Variants in PM20D1 observed in about 807,000 individuals in gnomAD.
PM20D1 encodes peptidase M20 domain containing 1.
PM20D1 carries 53 observed loss-of-function variants against 53.8 expected under a neutral mutation model. The observed-to-expected ratio is 0.98, with a 90% CI of 0.79 to 1.24. PM20D1 has a LOEUF of 1.24. PM20D1 is among the 50% of genes most tolerant of loss of function. PM20D1 has a pLI of 0.00. For missense variants in PM20D1, 564 were observed against 616.8 expected (o/e 0.91, Z 0.91); for synonymous variants, 239 against 241.3 (o/e 0.99, Z 0.09).
In PM20D1 at chr1:205,845,447, TCA is replaced by T. The variant is rs1300935959; in HGVS notation, c.365_366del (p.Leu122HisfsTer5). On this transcript the variant is annotated frameshift_variant, in exon 3 of 13. Coordinates refer to ENST00000367136, the MANE Select transcript of PM20D1 (RefSeq NM_152491.5). LOFTEE classifies it high-confidence loss of function. ...GSDPSLQPYL[L>X]MAHFDVVPAP... The stretch of plus-strand genomic sequence containing the variant: ...GCAGGCACCACATCAAAGTGAGCCA[TCA>T]GCAGGTAGGGCTGCAAGCTGGGGTC... 34 of 1,614,090 alleles carry T rather than the reference TCA, an allele frequency of 2.1e-5. No homozygotes were observed. The highest frequency in any genetic ancestry group is 2.9e-5 in the Non-Finnish European group (34 of 1,180,042).
intron 12 of PM20D1, 131 bp downstream of exon 12, chr1:205,830,149 G>A: frequency 1.5e-6 from 1 of 662,382 alleles, no homozygotes. Flanking sequence ...GTTCTACAAT[G>A]TCTCCATTTC....
chr1:205,840,492 A>G (rs1328736668), intron 9 of PM20D1, among the ~76,000 whole-genome samples, 169 bp from the exon 10 acceptor site: 1 of 152,168 alleles, frequency 6.6e-6, no homozygotes, highest in African/African-American at 2.4e-5. Flanking sequence ...ACTAAGTGAC[A>G]TGTTATATTC....
At position 205,840,043 on chromosome 1, in the gene PM20D1, A is replaced by G. The variant is rs578089274; in HGVS notation, c.1116+209T>C. Among the ~76,000 whole-genome samples the G allele has an allele frequency of 1.5e-3, 221 of 152,194 alleles. 1 individual carries two copies. Among genetic ancestry groups the G allele is most frequent in the African/African-American group, 5.1e-3 (212 of 41,518 alleles). ...CTATAGGTATTGCTATCATTTATTC[A>G]TACTCATCTTCCATTTCAGACCCCA... On this transcript the variant is annotated intron_variant, in intron 10 of 12. Coordinates refer to ENST00000367136, the MANE Select transcript of PM20D1 (RefSeq NM_152491.5).
intron 9 of PM20D1, 80 bp downstream of exon 9, chr1:205,841,731 G>T (rs2102528416): frequency 7.5e-7 from 1 of 1,340,742 alleles, no homozygotes; most frequent in South Asian, 1.3e-5. Flanking sequence ...AAGGAAGGAA[G>T]AGCCAGTAGA....
At chr1:205,831,709 G>A (rs1051805554) in intron 11 of PM20D1, among the ~76,000 whole-genome samples, 4 of 151,794 alleles carry the variant, frequency 2.6e-5, no homozygotes, top group Non-Finnish European at 5.9e-5. Flanking sequence ...GACTACAGGC[G>A]TGAGCTACCA....
chr1:205,833,091 G>A (rs193237815), intron 10 of PM20D1, among the ~76,000 whole-genome samples: 26 of 152,320 alleles, frequency 1.7e-4, no homozygotes, highest in Admixed American at 1.4e-3. Flanking sequence ...GGGATGGCCT[G>A]GCTGGAAAAT....
intron 4 of PM20D1, 148 bp downstream of exon 4, chr1:205,844,663 T>C: frequency 1.5e-6 from 1 of 664,894 alleles, no homozygotes; most frequent in Non-Finnish European, 2.5e-6. Context: ...GGTCCTTAGA[T>C]AGTCCTGGCA....
intron 1 of PM20D1, 145 bp from the exon 2 acceptor site, chr1:205,848,116 C>A: frequency 6.6e-6 from 5 of 760,474 alleles, no homozygotes; most frequent in Non-Finnish European, 1.1e-5. Context: ...GCTATTGTTT[C>A]CTCTAATTCG....
rs1104899 is a variant in PM20D1, at chr1:205,845,357, G to A, written c.457C>T (p.Arg153Trp). The change falls in exon 3 of 13, where the codon CGG becomes TGG. Residue 153 changes from arginine (R) to tryptophan (W), a missense_variant. Transcript: ENST00000367136. ...GLERDGIIYG[R>W]GTLDDKNSVM... ...GAGTTCTTGTCGTCCAGTGTGCCCC[G>A]ACCATAGATGATGCCATCACGCTCC... 418,237 of 1,613,508 alleles carry A rather than the reference G, an allele frequency of 0.26. 55,050 individuals are homozygous for A. Among genetic ancestry groups the A allele is most frequent in the South Asian group, 0.32 (29,569 of 91,042 alleles).
chr1:205,841,788 T>C (rs372582542), intron 9 of PM20D1, 23 bp downstream of exon 9: 115 of 1,550,202 alleles, frequency 7.4e-5, no homozygotes, highest in Non-Finnish European at 9.6e-5. Context: ...AAAAGCTATA[T>C]GGGGAGGAAC....
rs747514502 is a variant in PM20D1 at position 205,828,741 on chromosome 1, A to T, written c.1388T>A (p.Ile463Asn). Residue 463 changes from isoleucine (I) to asparagine (N), a missense_variant and splice_region_variant, in exon 13 of 13, where the codon ATC (isoleucine) becomes AAC (asparagine). Coordinates refer to ENST00000367136, the MANE Select transcript of PM20D1 (RefSeq NM_152491.5). ...IYIQPEDFKR[I>N]HGVNEKISVQ... ...TGAGATTTTCTCGTTGACTCCATGG[A>T]TGCTGAGGAAAGTAAGGTGCATTTA... 8 of 1,613,986 alleles carry T rather than the reference A, an allele frequency of 5.0e-6. No homozygotes were observed. In the South Asian group the frequency reaches 8.8e-5, roughly 18 times the overall value.
In PM20D1 at chr1:205,850,081, C is replaced by T. The variant is rs774609506; in HGVS notation, c.-9G>A. ...ACGCACCGCTGAGCCATGCTTCTCT[C>T]GAGCTCCTGCTGTCAGGCTACCGGG... On this transcript the variant is annotated 5_prime_UTR_variant, in exon 1 of 13. Coordinates refer to ENST00000367136, the MANE Select transcript of PM20D1 (RefSeq NM_152491.5). The T allele has an allele frequency of 1.6e-5, 25 of 1,609,378 alleles. No individual in the cohort carries two copies. Among genetic ancestry groups the T allele is most frequent in the Non-Finnish European group, 2.1e-5 (25 of 1,176,470 alleles).
chr1:205,845,339 TGTC>T lies in PM20D1; in HGVS notation c.472_474del (p.Asp158del). 1 of 1,613,762 alleles carries T rather than the reference TGTC, an allele frequency of 6.2e-7. No homozygotes were observed. Among genetic ancestry groups the T allele is most frequent in the Non-Finnish European group, 8.5e-7 (1 of 1,179,648 alleles). The stretch of plus-strand genomic sequence containing the variant: ...GCATCTCAGACCATCACAGAGTTCT[TGTC>T]GTCCAGTGTGCCCCGACCATAGATG... On this transcript the variant is annotated inframe_deletion, in exon 3 of 13. Transcript: ENST00000367136.
At chr1:205,846,507 G>T (rs1656988238) in intron 2 of PM20D1, among the ~76,000 whole-genome samples, 1 of 152,136 alleles carries the variant, frequency 6.6e-6, no homozygotes, top group South Asian at 2.1e-4. Context: ...ATTAAATTTT[G>T]ACCATAGGAG....
intron 2 of PM20D1, among the ~76,000 whole-genome samples, chr1:205,846,112 C>A (rs536868964): frequency 6.7e-6 from 1 of 149,048 alleles, no homozygotes; most frequent in Non-Finnish European, 1.5e-5. Context: ...CTCGGCCAGG[C>A]GTGGTGGCTC....
chr1:205,846,967 C>A (rs1403176868), intron 2 of PM20D1, among the ~76,000 whole-genome samples: 1 of 149,470 alleles, frequency 6.7e-6, no homozygotes, highest in Non-Finnish European at 1.5e-5. Flanking sequence ...GGGCATTAAT[C>A]CCTGAGCCAC....
At position 205,845,480 on chromosome 1, in the gene PM20D1, C is replaced by A. The variant is rs1656932540; in HGVS notation, c.334G>T (p.Gly112Cys). Residue 112 changes from glycine to cysteine, a missense_variant, in exon 3 of 13, where the codon GGC (glycine) becomes TGC (cysteine). Gly to Cys is a radical substitution (Grantham distance 159). Transcript: ENST00000367136. ...EEYSHLFTIQ[G>C]SDPSLQPYLL... ...TAGGGCTGCAAGCTGGGGTCCGAGC[C>A]TTGGATAGTGAACAGGTGGCTATAC... 10 of 1,614,080 alleles carry A rather than the reference C, an allele frequency of 6.2e-6. No homozygotes were observed. The highest frequency in any genetic ancestry group is 8.5e-6 in the Non-Finnish European group (10 of 1,180,048).
At chr1:205,831,994 G>A (rs1200071803) in intron 11 of PM20D1, among the ~76,000 whole-genome samples, 1 of 152,156 alleles carries the variant, frequency 6.6e-6, no homozygotes, top group Non-Finnish European at 1.5e-5. Flanking sequence ...TCCAGATTTG[G>A]TTAACCCAAA....
At chr1:205,842,561 T>G (rs1571676657) in intron 7 of PM20D1, 115 bp downstream of exon 7, 136 of 1,033,616 alleles carry the variant, frequency 1.3e-4, no homozygotes, top group Non-Finnish European at 1.8e-4. Context: ...TGGGAATAGG[T>G]GAGAATAGGC....
Sources: gnomAD v4.1 joint callset for allele counts (sites outside exome capture counted in the v4.1 genomes callset) on GRCh38, gnomAD v4.1.1 for gene constraint, MANE v1.5 for transcripts, NCBI Gene and HGNC (gene_info 2026-07-23, HGNC 2026-07-21) for gene names.